Variants in EPHA3 observed in about 807,000 individuals in gnomAD.
The protein encoded by EPHA3 is ephrin type-A receptor 3.
In EPHA3, 42 loss-of-function variants were observed where a neutral mutation model predicts 107.1. That is an observed-to-expected ratio of 0.39 (90% CI 0.31 to 0.51). The LOEUF (loss-of-function observed/expected upper bound fraction) is 0.51. Ranked by LOEUF, EPHA3 falls within the 20% of genes least tolerant of loss-of-function variation. The probability of loss-of-function intolerance (pLI) is 0.78; values close to 1 mark genes in which losing one functional copy is unlikely to be tolerated. For missense variants in EPHA3, 1,183 were observed against 1,211.2 expected, an observed-to-expected ratio of 0.98 and a Z score of 0.35; for synonymous variants, 461 against 424.8, an observed-to-expected ratio of 1.09 and a Z score of -1.05.
chr3:89,340,762 A>G (rs1334435419), intron 3 of EPHA3, among the ~76,000 whole-genome samples, 154 bp from the exon 4 acceptor site: 2 of 152,226 alleles, frequency 1.3e-5, no homozygotes, highest in African/African-American at 4.8e-5. Context: ...TAGAAAAACT[A>G]CAGTAGGCTC....
chr3:89,237,385 C>T (rs1471404501), intron 3 of EPHA3, among the ~76,000 whole-genome samples: 1 of 151,742 alleles, frequency 6.6e-6, no homozygotes, highest in Non-Finnish European at 1.5e-5. Context: ...CAAAACAAAA[C>T]ATAAATATAT....
chr3:89,459,407 C>CTCTTCCTCTTTT (rs1207891279), intron 15 of EPHA3, among the ~76,000 whole-genome samples: 1 of 151,900 alleles, frequency 6.6e-6, no homozygotes, highest in African/African-American at 2.4e-5. Context: ...TCTTCTCTTT[C>CTCTTCCTCTTTT]TCTTCCTCTT....
chr3:89,257,521 T>C (rs747467711), intron 3 of EPHA3, among the ~76,000 whole-genome samples: 40 of 152,122 alleles, frequency 2.6e-4, no homozygotes, highest in Non-Finnish European at 4.1e-4. Flanking sequence ...AAGTTTGAGG[T>C]GATTCTTGAG....
At position 89,408,088 on chromosome 3, in the gene EPHA3, A is replaced by C. The variant is rs1372684890; in HGVS notation, c.1719A>C (p.Lys573Asn). 6.2e-7 allele frequency: 1 copy of C among 1,612,972 alleles called. No homozygotes were observed. The highest frequency in any genetic ancestry group is 1.3e-5 in the African/African-American group (1 of 74,968). Residue 573 changes from lysine to asparagine, a missense_variant, in exon 9 of 17, where the codon AAA (lysine) becomes AAC (asparagine). Lys to Asn is a moderately conservative substitution (Grantham distance 94). Transcript: ENST00000336596. ...LIGRFCGYKS[K>N]HGADEKRLHF... ...CCAGGTTCTGTGGCTATAAGTCAAA[A>C]CATGGGGCAGATGAAAAAAGACTTC...
chr3:89,111,515 C>G (rs577238107), intron 1 of EPHA3, among the ~76,000 whole-genome samples: 1 of 136,988 alleles, frequency 7.3e-6, no homozygotes, highest in Non-Finnish European at 1.6e-5. Flanking sequence ...ACATCCCCCC[C>G]CCACCCCGCC....
intron 2 of EPHA3, among the ~76,000 whole-genome samples, chr3:89,127,715 A>G (rs1321074885): frequency 6.6e-6 from 1 of 152,040 alleles, no homozygotes; most frequent in African/African-American, 2.4e-5. Context: ...TCAACAGTAT[A>G]AACCTATGTT....
At chr3:89,303,827 T>C (rs1706547848) in intron 3 of EPHA3, among the ~76,000 whole-genome samples, 1 of 152,136 alleles carries the variant, frequency 6.6e-6, no homozygotes, top group South Asian at 2.1e-4. Context: ...ACTTCCTCCA[T>C]ACATACAAAT....
chr3:89,403,983 A>G (rs1311383479), intron 7 of EPHA3, among the ~76,000 whole-genome samples: 1 of 152,202 alleles, frequency 6.6e-6, no homozygotes, highest in Non-Finnish European at 1.5e-5. Context: ...TTCAAGAATA[A>G]CAATCTGTGG....
chr3:89,425,486 A>G (rs1455330001), intron 11 of EPHA3, among the ~76,000 whole-genome samples: 1 of 150,122 alleles, frequency 6.7e-6, no homozygotes, highest in Non-Finnish European at 1.5e-5. Context: ...TTTATAATAT[A>G]CCCTCATTAG....
At chr3:89,293,370 A>T (rs1706263909) in intron 3 of EPHA3, among the ~76,000 whole-genome samples, 1 of 152,192 alleles carries the variant, frequency 6.6e-6, no homozygotes, top group African/African-American at 2.4e-5. Flanking sequence ...GGTCCAACTT[A>T]TCAATTTAAC....
intron 5 of EPHA3, among the ~76,000 whole-genome samples, chr3:89,369,411 A>T (rs1708249029): frequency 6.6e-6 from 1 of 150,826 alleles, no homozygotes; most frequent in African/African-American, 2.4e-5. Flanking sequence ...AGGATTCCCT[A>T]TTTAATAAAT....
chr3:89,347,051 T>C (rs1707678388), intron 5 of EPHA3, among the ~76,000 whole-genome samples: 1 of 143,282 alleles, frequency 7.0e-6, no homozygotes, highest in African/African-American at 2.7e-5. Flanking sequence ...TCAGGTAGTG[T>C]GATGCCTCCA....
chr3:89,121,137 G>A (rs1707372556), intron 1 of EPHA3, among the ~76,000 whole-genome samples: 1 of 152,192 alleles, frequency 6.6e-6, no homozygotes, highest in Non-Finnish European at 1.5e-5. Flanking sequence ...TCGGGAGGCT[G>A]AGGCAGGAGA....
At chr3:89,301,489 T>C (rs183548535) in intron 3 of EPHA3, among the ~76,000 whole-genome samples, 1 of 152,166 alleles carries the variant, frequency 6.6e-6, no homozygotes, top group Admixed American at 6.6e-5. Context: ...AGTAATAAAA[T>C]TGGATTTCAT....
intron 7 of EPHA3, chr3:89,399,724 C>CT: frequency 4.2e-6 from 5 of 1,188,092 alleles, no homozygotes; most frequent in Admixed American, 4.4e-5. Flanking sequence ...TGAAATGCTT[C>CT]TGTTTTTTTT....
intron 2 of EPHA3, among the ~76,000 whole-genome samples, chr3:89,152,194 C>A (rs1292738777): frequency 6.6e-6 from 1 of 152,046 alleles, no homozygotes; most frequent in African/African-American, 2.4e-5. Flanking sequence ...GTGTTCTCTT[C>A]TTTACCTGAT....
At chr3:89,160,051 A>C (rs1157639362) in intron 2 of EPHA3, among the ~76,000 whole-genome samples, 4 of 152,006 alleles carry the variant, frequency 2.6e-5, no homozygotes, top group African/African-American at 9.7e-5. Context: ...ATAACCCGAC[A>C]CTCTAAGACC....
intron 3 of EPHA3, among the ~76,000 whole-genome samples, chr3:89,304,566 G>T (rs1378554859): frequency 6.6e-6 from 1 of 151,972 alleles, no homozygotes; most frequent in African/African-American, 2.4e-5. Flanking sequence ...TTTTCCAGGT[G>T]TCTGTATGAC....
intron 3 of EPHA3, among the ~76,000 whole-genome samples, chr3:89,261,668 T>C (rs1559623196): frequency 6.6e-6 from 1 of 152,122 alleles, no homozygotes; most frequent in African/African-American, 2.4e-5. Flanking sequence ...TTAGAGCATG[T>C]ACCCAGAAAA....
Sources: allele counts gnomAD v4.1 joint callset (sites outside exome capture counted in the v4.1 genomes callset), GRCh38; gene constraint gnomAD v4.1.1; transcripts MANE v1.5; gene names NCBI Gene and HGNC (gene_info 2026-07-23, HGNC 2026-07-21).